The following CNTLN variants were observed in gnomAD, a reference collection of about 807,000 sequenced individuals.
CNTLN encodes centlein.
Under a neutral mutation model 180.0 loss-of-function variants are expected in CNTLN, and 212 were observed. That is an observed-to-expected ratio of 1.18 (90% confidence interval 1.05 to 1.32). The LOEUF (loss-of-function observed/expected upper bound fraction) is 1.32. Among genes scored for constraint, CNTLN ranks in the 40% most tolerant of loss-of-function variants. CNTLN has a pLI of 0.00. For missense variants in CNTLN, 2,095 were observed against 1,610.9 expected (o/e 1.30, Z -5.14); for synonymous variants, 722 against 563.1 (o/e 1.28, Z -3.99).
In CNTLN at chr9:17,312,369, T is replaced by TTATATATATATATATA. The variant is rs1587619948; in HGVS notation, c.1341+3117_1341+3118insTATATATATATATATA. On this transcript the variant is annotated intron_variant, in intron 8 of 25. Transcript: ENST00000380647. ...TATATATATATATATATATATTATA[T>TTATATATATATATATA]ATATATATATATATAATTTATTTAT... 4.4e-4 allele frequency among the ~76,000 whole-genome samples: 15 copies of TTATATATATATATATA among 34,358 alleles called. No individual in the cohort carries two copies. The East Asian group carries it at 5.7e-3, about 13-fold the overall frequency. The allele number at this position is 34,358 out of a possible 152,430, so 22.5% of individuals were successfully genotyped here.
At chr9:17,209,565 C>G (rs1380258705) in intron 2 of CNTLN, among the ~76,000 whole-genome samples, 1 of 152,130 alleles carries the variant, frequency 6.6e-6, no homozygotes, top group Non-Finnish European at 1.5e-5. Context: ...CTTTTTAGCT[C>G]TAATAATATT....
At chr9:17,346,900 T>G (rs13301284) in intron 12 of CNTLN, among the ~76,000 whole-genome samples, 34,911 of 152,192 alleles carry the variant, frequency 0.23, 4,291 homozygotes, top group South Asian at 0.37. Context: ...TCTCTTCAAT[T>G]TATTTTTCAG....
rs1832802122 is a variant in CNTLN, at chr9:17,484,472, G to T, written c.4033G>T (p.Asp1345Tyr). ...SDLEEILDTEDQVEIEKTKID... is the reference protein window; with the variant it reads ...SDLEEILDTEYQVEIEKTKID... The stretch of plus-strand genomic sequence containing the variant: ...TTTAGAGGAAATATTAGACACAGAA[G>T]ATCAAGTGGTAAGATCATTTAAATA... Residue 1345 changes from aspartate to tyrosine, a missense_variant, in exon 24 of 26, where the codon GAT becomes TAT. Coordinates refer to ENST00000380647, the MANE Select transcript of CNTLN (RefSeq NM_017738.4). The T allele has an allele frequency of 1.3e-6, 2 of 1,594,002 alleles. No homozygotes were observed. The highest frequency in any genetic ancestry group is 1.7e-6 in the Non-Finnish European group (2 of 1,174,568).
intron 7 of CNTLN, chr9:17,301,121 G>A (rs1335747265): frequency 2.0e-6 from 2 of 985,264 alleles, no homozygotes; most frequent in Admixed American, 1.2e-4. Context: ...TTGCTGAGAA[G>A]ATAAGATATC....
chr9:17,251,671 A>G (rs1442720576), intron 5 of CNTLN, among the ~76,000 whole-genome samples: 1 of 151,818 alleles, frequency 6.6e-6, no homozygotes, highest in African/African-American at 2.4e-5. Flanking sequence ...CATGCATATA[A>G]TTTGTAATGA....
chr9:17,266,493 G>A (rs931846643), intron 5 of CNTLN, among the ~76,000 whole-genome samples: 1 of 152,134 alleles, frequency 6.6e-6, no homozygotes, highest in African/African-American at 2.4e-5. Context: ...GTGGTGTGCT[G>A]CTGAATAAAA....
At chr9:17,262,859 T>G in intron 5 of CNTLN, among the ~76,000 whole-genome samples, 1 of 151,398 alleles carries the variant, frequency 6.6e-6, no homozygotes, top group East Asian at 1.9e-4. Context: ...CGTAGATGGC[T>G]CGTAGTATTT....
rs1162578604 is a variant in CNTLN, at chr9:17,394,697, AG to A, written c.2247del (p.Ser750ValfsTer4). The A allele has an allele frequency of 6.2e-7, 1 of 1,613,996 alleles. No homozygotes were observed. Among genetic ancestry groups the A allele is most frequent in the Admixed American group, 1.7e-5 (1 of 59,982 alleles). On this transcript the variant is annotated frameshift_variant, in exon 15 of 26. Transcript: ENST00000380647. LOFTEE classifies it high-confidence loss of function. Reference protein sequence around the residue: ...TREKELEQIIKGSKDVEKENT... With the variant: ...TREKELEQIIXGSKDVEKENT... ...GAAAAAGAGCTAGAACAGATAATAA[AG>A]GGGAGTAAAGATGTAGAAAAAGAAA...
In CNTLN at chr9:17,416,034, C is replaced by T. The variant is rs751605497; in HGVS notation, c.2959C>T (p.Arg987Trp). The T allele has an allele frequency of 4.3e-5, 69 of 1,613,050 alleles. No individual in the cohort carries two copies. In the Admixed American group the frequency reaches 5.3e-4, roughly 12 times the overall value. The change falls in exon 18 of 26, where the codon CGG (arginine) becomes TGG (tryptophan). Residue 987 changes from arginine (R) to tryptophan (W), a missense_variant. Physicochemically the swap from Arg to Trp is moderately radical, Grantham distance 101. Coordinates refer to ENST00000380647, the MANE Select transcript of CNTLN (RefSeq NM_017738.4). ...SSSNIILLRE[R>W]IISLQQQNSV... ...TAGCAATATTATTTTATTACGAGAA[C>T]GGATTATATCCTTGCAACAACAAAA...
At position 17,414,460 on chromosome 9, in the gene CNTLN, A is replaced by AT. The variant is rs35321860; in HGVS notation, c.2797-1318dup. ...ACTTCAATTGGTAGCTGTAGTTTGGATTTTTTTTTTAACAGTGCTCAGTGC... is the reference window on the plus strand; with the variant it reads ...ACTTCAATTGGTAGCTGTAGTTTGGATTTTTTTTTTTAACAGTGCTCAGTGC... On this transcript the variant is annotated intron_variant, in intron 16 of 25. Coordinates refer to ENST00000380647, the MANE Select transcript of CNTLN (RefSeq NM_017738.4). Among the ~76,000 whole-genome samples the AT allele has an allele frequency of 7.1e-3, 1,068 of 150,160 alleles. 14 individuals carry two copies. Among genetic ancestry groups the AT allele is most frequent in the African/African-American group, 0.024 (1,002 of 41,036 alleles).
chr9:17,285,125 G>C (rs1828900578), intron 6 of CNTLN, among the ~76,000 whole-genome samples: 1 of 149,102 alleles, frequency 6.7e-6, no homozygotes. Flanking sequence ...TCTAGCATTA[G>C]GTGTATCTCC....
chr9:17,501,574 C>G (rs967548835), intron 25 of CNTLN, among the ~76,000 whole-genome samples: 13 of 152,208 alleles, frequency 8.5e-5, no homozygotes, highest in Admixed American at 5.9e-4. Flanking sequence ...CAGATGCCGA[C>G]AGTGATGCTG....
At chr9:17,332,935 G>A (rs1475615785) in intron 10 of CNTLN, among the ~76,000 whole-genome samples, 1 of 151,964 alleles carries the variant, frequency 6.6e-6, no homozygotes, top group Non-Finnish European at 1.5e-5. Flanking sequence ...AAAAGTAAAT[G>A]TTTATTTACT....
At chr9:17,356,356 A>G (rs529867744) in intron 12 of CNTLN, among the ~76,000 whole-genome samples, 1 of 152,318 alleles carries the variant, frequency 6.6e-6, no homozygotes, top group South Asian at 2.1e-4. Context: ...CCTAGGTAAG[A>G]GTGGAAAGTT....
At chr9:17,442,904 G>A (rs1272199489) in intron 18 of CNTLN, among the ~76,000 whole-genome samples, 1 of 152,036 alleles carries the variant, frequency 6.6e-6, no homozygotes, top group Non-Finnish European at 1.5e-5. Context: ...CAATAAAAAA[G>A]GTAAAAATTT....
chr9:17,499,053 C>T (rs1167330499), intron 25 of CNTLN, among the ~76,000 whole-genome samples: 5 of 152,128 alleles, frequency 3.3e-5, no homozygotes, highest in Non-Finnish European at 7.4e-5. Flanking sequence ...GAAGGTTTGG[C>T]TCTCTTGTTC....
In CNTLN at chr9:17,499,463, A is replaced by T. The variant is rs182444575; in HGVS notation, c.4120-3088A>T. On this transcript the variant is annotated intron_variant, in intron 25 of 25. Transcript: ENST00000380647. ...AGAATTGTTTTGTGTACAATCTATG[A>T]AAAATGTTTGCTAAATAAATGAATA... 1.7e-3 allele frequency among the ~76,000 whole-genome samples: 263 copies of T among 152,350 alleles called. 3 individuals are homozygous for T. Among genetic ancestry groups the T allele is most frequent in the African/African-American group, 6.1e-3 (253 of 41,592 alleles).
chr9:17,396,300 C>G (rs895162311), intron 15 of CNTLN, among the ~76,000 whole-genome samples: 1 of 152,192 alleles, frequency 6.6e-6, no homozygotes, highest in Non-Finnish European at 1.5e-5. Flanking sequence ...GCCCTGAATT[C>G]CTTCTTGTGC....
At chr9:17,178,797 A>G (rs187253332) in intron 2 of CNTLN, among the ~76,000 whole-genome samples, 2,912 of 152,186 alleles carry the variant, frequency 0.019, 74 homozygotes, top group African/African-American at 0.05. Flanking sequence ...TGAGGGAGTC[A>G]GCTCTGGCCT....
Sources: allele counts gnomAD v4.1 joint callset (sites outside exome capture counted in the v4.1 genomes callset), GRCh38; gene constraint gnomAD v4.1.1; transcripts MANE v1.5; gene names NCBI Gene and HGNC (gene_info 2026-07-23, HGNC 2026-07-21).